The following ADAMTS8 variants were observed in gnomAD, a reference collection of about 807,000 sequenced individuals.
ADAMTS8 encodes A disintegrin and metalloproteinase with thrombospondin motifs 8.
ADAMTS8 carries 50 observed loss-of-function variants against 64.4 expected under a neutral mutation model. The observed-to-expected ratio is 0.78, with a 90% CI of 0.62 to 0.98. ADAMTS8 has a LOEUF of 0.98. Among genes scored for constraint, ADAMTS8 ranks in the 50% least tolerant of loss-of-function variants. The probability of loss-of-function intolerance (pLI) is 0.00; values close to 1 mark genes in which losing one functional copy is unlikely to be tolerated. For synonymous variants in ADAMTS8, 556 were observed against 533.6 expected (o/e 1.04, Z -0.58); for missense variants, 1,192 against 1,208.2 (o/e 0.99, Z 0.20).
intron 6 of ADAMTS8, among the ~76,000 whole-genome samples, 174 bp from the exon 7 acceptor site, chr11:130,409,114 T>C (rs902543760): frequency 3.9e-5 from 6 of 152,264 alleles, no homozygotes; most frequent in Non-Finnish European, 5.9e-5. Context: ...GTGTGACCCT[T>C]ACTCAAAAGG....
At position 130,408,483 on chromosome 11, in the gene ADAMTS8, C is replaced by T. The variant is rs566233048; in HGVS notation, c.2080G>A (p.Gly694Arg). ...GKGNSCRKVS[G>R]SLTPTNYGYN... Reference sequence around the variant, plus strand: ...ACTCACTTGGTGGGGGTGAGGGACCCGGAGACCTTCCTGCAGGAGTTGCCT... The same window carrying T: ...ACTCACTTGGTGGGGGTGAGGGACCTGGAGACCTTCCTGCAGGAGTTGCCT... The change falls in exon 8 of 9, where the codon GGG (glycine) becomes AGG (arginine). Residue 694 changes from glycine to arginine, a missense_variant. Coordinates refer to ENST00000257359, the MANE Select transcript of ADAMTS8 (RefSeq NM_007037.6). 218 of 1,613,754 alleles carry T rather than the reference C, an allele frequency of 1.4e-4. No individual in the cohort carries two copies. The highest frequency in any genetic ancestry group is 4.5e-4 in the South Asian group (41 of 91,052).
At chr11:130,414,955 A>C in intron 4 of ADAMTS8, 123 bp from the exon 5 acceptor site, 3 of 1,035,998 alleles carry the variant, frequency 2.9e-6, no homozygotes, top group Non-Finnish European at 2.7e-6. Context: ...CTCCAACTAA[A>C]AGCTGTCACC....
chr11:130,405,642 G>C lies in ADAMTS8; in HGVS notation c.2586C>G (p.Pro862=). ...TGCAGGTGGCAGAGGCCTGGCCGGA[G>C]GGGTCCCTGCACTCTACAGTTCGCC... ...WQRRTVECRD[P]SGQASATCNK... The change falls in exon 9 of 9, where the codon CCC becomes CCG. Residue 862 remains proline (P), a synonymous_variant. Transcript: ENST00000257359. 1 of 1,614,042 alleles carries C rather than the reference G, an allele frequency of 6.2e-7. No individual in the cohort carries two copies. Among genetic ancestry groups the C allele is most frequent in the Non-Finnish European group, 8.5e-7 (1 of 1,179,990 alleles).
intron 1 of ADAMTS8, among the ~76,000 whole-genome samples, chr11:130,424,965 C>T (rs1477404624): frequency 6.6e-6 from 1 of 152,070 alleles, no homozygotes; most frequent in Admixed American, 6.6e-5. Context: ...CAGAAGTCAA[C>T]CCCCTAGGGA....
chr11:130,411,838 T>G lies in ADAMTS8; in HGVS notation c.1567-238A>C. The G allele has an allele frequency of 1.8e-6, 1 of 548,168 alleles. No homozygotes were observed. Among genetic ancestry groups the G allele is most frequent in the South Asian group, 2.5e-5 (1 of 40,552 alleles). The allele number at this position is 548,168 out of a possible 1,614,324, so 34.0% of individuals were successfully genotyped here. ...CTCCTCAGTGTCTAAAACAGTGCCT[T>G]ATGCTTAGTAAGGTGCTCAATAGGC... is the stretch of plus-strand genomic sequence containing the variant. On this transcript the variant is annotated intron_variant, in intron 5 of 8. Coordinates refer to ENST00000257359, the MANE Select transcript of ADAMTS8 (RefSeq NM_007037.6). The surrounding 1 kb of genome is among the most constrained non-coding windows in gnomAD (Gnocchi z 4.2).
At position 130,427,810 on chromosome 11, in the gene ADAMTS8, G is replaced by C; in HGVS notation, c.477C>G (p.Arg159=). The C allele has an allele frequency of 6.4e-7, 1 of 1,561,664 alleles. No homozygotes were observed. Among genetic ancestry groups the C allele is most frequent in the African/African-American group, 1.4e-5 (1 of 73,650 alleles). Residue 159 remains arginine, a synonymous_variant, in exon 1 of 9, where the codon CGC becomes CGG. Coordinates refer to ENST00000257359, the MANE Select transcript of ADAMTS8 (RefSeq NM_007037.6). ...RLQRWGPAGA[R]PLPRGPEWEV... ...CCCACTCGGGTCCTCGCGGGAGGGGGCGGGCTCCGGCGGGACCCCAGCGCT... is the reference window on the plus strand; with the variant it reads ...CCCACTCGGGTCCTCGCGGGAGGGGCCGGGCTCCGGCGGGACCCCAGCGCT...
Position 130,427,815 on chromosome 11 carries a change from C to A in ADAMTS8, c.472G>T (p.Ala158Ser). 6.4e-7 allele frequency: 1 copy of A among 1,561,812 alleles called. No homozygotes were observed. The highest frequency in any genetic ancestry group is 1.2e-5 in the South Asian group (1 of 85,350). ...HRLQRWGPAG[A>S]RPLPRGPEWE... ...TCGGGTCCTCGCGGGAGGGGGCGGG[C>A]TCCGGCGGGACCCCAGCGCTGCAGG... Residue 158 changes from alanine to serine, a missense_variant, in exon 1 of 9, where the codon GCC becomes TCC. Coordinates refer to ENST00000257359, the MANE Select transcript of ADAMTS8 (RefSeq NM_007037.6).
At chr11:130,418,177 TCTC>T (rs1862052610) in intron 2 of ADAMTS8, among the ~76,000 whole-genome samples, 1 of 151,990 alleles carries the variant, frequency 6.6e-6, no homozygotes, top group African/African-American at 2.4e-5. Flanking sequence ...CGAGACCTTG[TCTC>T]AAACAAAACA....
chr11:130,426,441 G>C (rs1324467815), intron 1 of ADAMTS8, among the ~76,000 whole-genome samples: 1 of 152,230 alleles, frequency 6.6e-6, no homozygotes, highest in Non-Finnish European at 1.5e-5. Flanking sequence ...TCACCACAAA[G>C]TGTCAGCTTA....
chr11:130,407,291 C>T (rs2134672300), intron 8 of ADAMTS8, among the ~76,000 whole-genome samples: 1 of 152,284 alleles, frequency 6.6e-6, no homozygotes, highest in East Asian at 1.9e-4. Context: ...TTGCTTGAAC[C>T]TGGGAAGCAG....
In ADAMTS8 at chr11:130,405,704, A is replaced by G. The variant is rs766628377; in HGVS notation, c.2524T>C (p.Ser842Pro). The G allele has an allele frequency of 6.2e-7, 1 of 1,614,106 alleles. No homozygotes were observed. The highest frequency in any genetic ancestry group is 1.1e-5 in the South Asian group (1 of 91,088). The change falls in exon 9 of 9, where the codon TCT becomes CCT. Residue 842 changes from serine (S) to proline (P), a missense_variant. By Grantham distance (74) the Ser-to-Pro change is moderately conservative (BLOSUM62 -1). Transcript: ENST00000257359. ...LHAQWVLGDW[S>P]ECSSTCGAGW... ...GCCCCGCAGGTGCTAGAGCACTCAG[A>G]CCAGTCCCCCAGCACCCACTGTGCG...
intron 1 of ADAMTS8, among the ~76,000 whole-genome samples, chr11:130,425,016 T>C (rs1323619497): frequency 1.3e-5 from 2 of 152,118 alleles, no homozygotes; most frequent in African/African-American, 4.8e-5. Flanking sequence ...CCTGTTTTGC[T>C]GCGCTCTCCT....
rs1246387866 is a variant in ADAMTS8, at chr11:130,405,939, G to A, written c.2289C>T (p.Ile763=). 6.2e-7 allele frequency: 1 copy of A among 1,614,106 alleles called. No homozygotes were observed. The highest frequency in any genetic ancestry group is 8.5e-7 in the Non-Finnish European group (1 of 1,180,040). Residue 763 remains isoleucine, a synonymous_variant, in exon 9 of 9, where the codon ATC becomes ATT. Transcript: ENST00000257359. Reference sequence around the variant, plus strand: ...TGGCGATGGAGCCGCTGTACTTCAGGATGGTCCCCTTCACCAAGATGTCCT... The same window carrying A: ...TGGCGATGGAGCCGCTGTACTTCAGAATGGTCCCCTTCACCAAGATGTCCT... ...IEQDILVKGT[I]LKYSGSIATL... is the part of the protein sequence containing the mutation.
chr11:130,405,471 A>G lies in ADAMTS8; in HGVS notation c.*87T>C, dbSNP rs970492942. The G allele has an allele frequency of 6.6e-7, 1 of 1,506,614 alleles. No individual in the cohort carries two copies. The highest frequency in any genetic ancestry group is 1.4e-5 in the African/African-American group (1 of 71,654). 93.3% of individuals were successfully genotyped at this position (1,506,614 alleles called of 1,614,324 possible). A position where few individuals can be genotyped will look rare whatever the true frequency, so the allele number is the denominator to read the frequency against. Reference sequence around the variant, plus strand: ...GGGCCGTGCTGCCTTGATATGGCCAAGGGACCCAGTCACCACAGTGGAGAC... The same window carrying G: ...GGGCCGTGCTGCCTTGATATGGCCAGGGGACCCAGTCACCACAGTGGAGAC... On this transcript the variant is annotated 3_prime_UTR_variant, in exon 9 of 9. Transcript: ENST00000257359.
rs745945788 is a variant in ADAMTS8 at position 130,427,861 on chromosome 11, G to GC, written c.425dup (p.Ser143LeufsTer57). ...GCAGGCGGTGCGGCTGAGCCAGGGA[G>GC]CCCCCCGCGCCCTGCGGCTGGATGG... On this transcript the variant is annotated frameshift_variant, in exon 1 of 9. Transcript: ENST00000257359. LOFTEE classifies it high-confidence loss of function. The GC allele has an allele frequency of 7.2e-6, 11 of 1,535,912 alleles. No homozygotes were observed. The East Asian group carries it at 7.3e-5, about 10-fold the overall frequency.
chr11:130,415,465 G>A (rs1272593595), intron 4 of ADAMTS8, among the ~76,000 whole-genome samples: 1 of 151,794 alleles, frequency 6.6e-6, no homozygotes, highest in Non-Finnish European at 1.5e-5. Flanking sequence ...TACCACGCCT[G>A]GCTAATTTTT....
At chr11:130,408,981 G>T in intron 6 of ADAMTS8, 41 bp from the exon 7 acceptor site, 1 of 1,501,120 alleles carries the variant, frequency 6.7e-7, no homozygotes, top group Non-Finnish European at 8.9e-7. Flanking sequence ...ACACCCATGC[G>T]GAAGCAGGAG....
chr11:130,417,165 G>C, intron 2 of ADAMTS8, 90 bp from the exon 3 acceptor site: 3 of 1,555,882 alleles, frequency 1.9e-6, no homozygotes, highest in Non-Finnish European at 1.8e-6. Flanking sequence ...CAGCGTGCAC[G>C]TGGGAGTGGA....
rs36087476 is a variant in ADAMTS8 at position 130,427,451 on chromosome 11, C to CTTT, written c.720+113_720+115dup. The stretch of plus-strand genomic sequence containing the variant: ...GGCTGGAGAAGATGAGTGGGGAGGG[C>CTTT]TTTTTTTTTTTTTTTTTTTTTTTCT... On this transcript the variant is annotated intron_variant, in intron 1 of 8. Coordinates refer to ENST00000257359, the MANE Select transcript of ADAMTS8 (RefSeq NM_007037.6). The CTTT allele has an allele frequency of 1.7e-3, 737 of 438,220 alleles. 8 individuals are homozygous for CTTT. Among genetic ancestry groups the CTTT allele is most frequent in the South Asian group, 8.3e-3 (258 of 30,978 alleles). 27.1% of individuals were successfully genotyped at this position (438,220 alleles called of 1,614,324 possible). A position where few individuals can be genotyped will look rare whatever the true frequency, so the allele number is the denominator to read the frequency against.
Sources: allele counts gnomAD v4.1 joint callset (sites outside exome capture counted in the v4.1 genomes callset), GRCh38; gene constraint gnomAD v4.1.1; non-coding constraint Gnocchi (gnomAD v3.1); transcripts MANE v1.5; gene names NCBI Gene and HGNC (gene_info 2026-07-23, HGNC 2026-07-21).